The following NRXN3 variants were observed in gnomAD, a reference collection of about 807,000 sequenced individuals.
NRXN3 encodes neurexin 3.
A neutral mutation model predicts 137.6 loss-of-function variants in NRXN3; 32 were observed. That is an observed-to-expected ratio of 0.23 (90% CI 0.18 to 0.31). The LOEUF is 0.31. Among genes scored for constraint, NRXN3 ranks in the 10% least tolerant of loss-of-function variants. The probability of loss-of-function intolerance (pLI) is 1.00; values close to 1 mark genes in which losing one functional copy is unlikely to be tolerated. For synonymous variants in NRXN3, 798 were observed against 784.5 expected, an observed-to-expected ratio of 1.02 and a Z score of -0.29; for missense variants, 1,574 against 2,062.5, an observed-to-expected ratio of 0.76 and a Z score of 4.59.
At chr14:79,002,583 G>A (rs1451728008) in intron 15 of NRXN3, among the ~76,000 whole-genome samples, 3 of 152,016 alleles carry the variant, frequency 2.0e-5, no homozygotes, top group Non-Finnish European at 2.9e-5. Context: ...ATTCCGTGGT[G>A]TATATGTATC....
intron 16 of NRXN3, among the ~76,000 whole-genome samples, chr14:79,517,514 C>G (rs2097004379): frequency 6.6e-6 from 1 of 152,062 alleles, no homozygotes. Flanking sequence ...TATTTCGACA[C>G]TTAATTAGAA....
At chr14:78,623,535 C>G (rs2097425865) in intron 4 of NRXN3, among the ~76,000 whole-genome samples, 1 of 152,154 alleles carries the variant, frequency 6.6e-6, no homozygotes, top group South Asian at 2.1e-4. Context: ...TAGCAAATAG[C>G]CATTCTATAG....
At chr14:79,808,491 A>G (rs1603562460) in intron 20 of NRXN3, among the ~76,000 whole-genome samples, 1 of 152,106 alleles carries the variant, frequency 6.6e-6, no homozygotes, top group South Asian at 2.1e-4. Context: ...CTGGTTTTGA[A>G]CACCCTAATT....
At chr14:78,690,034 T>C (rs6574463) in intron 6 of NRXN3, among the ~76,000 whole-genome samples, 47,529 of 152,066 alleles carry the variant, frequency 0.31, 8,453 homozygotes, top group African/African-American at 0.49. Context: ...TTAAACATTC[T>C]TTCAAAACCC....
At chr14:79,228,516 T>G (rs2071498538) in intron 15 of NRXN3, among the ~76,000 whole-genome samples, 1 of 152,180 alleles carries the variant, frequency 6.6e-6, no homozygotes, top group South Asian at 2.1e-4. Flanking sequence ...TCACCAGAAA[T>G]AGCTTCCTAC....
At chr14:78,503,345 A>G (rs548086789) in intron 4 of NRXN3, among the ~76,000 whole-genome samples, 1 of 152,188 alleles carries the variant, frequency 6.6e-6, no homozygotes, top group Non-Finnish European at 1.5e-5. Context: ...GAGACCAGGA[A>G]GGAAAGGCCA....
chr14:79,848,967 C>T (rs908924071), intron 20 of NRXN3, among the ~76,000 whole-genome samples: 18 of 152,156 alleles, frequency 1.2e-4, no homozygotes, highest in African/African-American at 4.3e-4. Flanking sequence ...GCATGTCCTC[C>T]AAATTTTCTC....
chr14:79,762,608 C>T lies in NRXN3; in HGVS notation c.4015-42504C>T, dbSNP rs117955095. Among the ~76,000 whole-genome samples the T allele has an allele frequency of 5.3e-4, 80 of 151,496 alleles. 1 individual carries two copies. The East Asian group carries it at 0.015, about 27-fold the overall frequency. ...TCCATTTTCTTATCAATATGTTTGG[C>T]TTCTGTAAGTCTTATTTTCTTGTTT... On this transcript the variant is annotated intron_variant, in intron 19 of 20. Transcript: ENST00000335750.
chr14:79,308,284 A>G (rs959709376), intron 15 of NRXN3, among the ~76,000 whole-genome samples: 1 of 152,086 alleles, frequency 6.6e-6, no homozygotes, highest in Non-Finnish European at 1.5e-5. Flanking sequence ...TGTCTTACCT[A>G]TTACTTATGT....
intron 4 of NRXN3, 150 bp downstream of exon 4, chr14:78,298,010 T>TCA: frequency 1.3e-6 from 1 of 774,108 alleles, no homozygotes; most frequent in East Asian, 2.8e-5. Context: ...CACCCTGCAG[T>TCA]GGGGGTGGGG....
intron 4 of NRXN3, among the ~76,000 whole-genome samples, chr14:78,616,083 T>C (rs1055097366): frequency 2.0e-5 from 3 of 152,182 alleles, no homozygotes; most frequent in African/African-American, 7.2e-5. Context: ...CTACCAATAG[T>C]CTCCCTGACT....
chr14:79,770,173 T>C (rs1019825164), intron 19 of NRXN3, among the ~76,000 whole-genome samples: 16 of 152,052 alleles, frequency 1.1e-4, no homozygotes, highest in African/African-American at 3.6e-4. Context: ...ACATTAATAA[T>C]GGGAGATTTT....
intron 4 of NRXN3, among the ~76,000 whole-genome samples, chr14:78,360,397 T>G (rs141075905): frequency 2.8e-4 from 42 of 152,346 alleles, no homozygotes; most frequent in African/African-American, 9.4e-4. Flanking sequence ...CCCTAGCACT[T>G]GTAAGACTTG....
intron 10 of NRXN3, among the ~76,000 whole-genome samples, chr14:78,855,120 C>T (rs1481723602): frequency 8.6e-5 from 13 of 151,102 alleles, no homozygotes; most frequent in African/African-American, 2.9e-4. Flanking sequence ...TCCGAGATCA[C>T]GCTGCTGCAC....
intron 16 of NRXN3, among the ~76,000 whole-genome samples, chr14:79,543,442 C>A (rs984205586): frequency 1.3e-5 from 2 of 152,116 alleles, no homozygotes; most frequent in African/African-American, 2.4e-5. Flanking sequence ...TGCTTAGAGT[C>A]CCCTGACAGA....
chr14:79,392,445 A>G (rs1203973444), intron 15 of NRXN3, among the ~76,000 whole-genome samples: 1 of 152,190 alleles, frequency 6.6e-6, no homozygotes, highest in Non-Finnish European at 1.5e-5. Flanking sequence ...CAGTGCTGCA[A>G]TAAACATACA....
chr14:79,554,174 G>T (rs1282803426), intron 16 of NRXN3, among the ~76,000 whole-genome samples: 2 of 152,146 alleles, frequency 1.3e-5, no homozygotes, highest in Non-Finnish European at 1.5e-5. Flanking sequence ...CAACAGAGTT[G>T]GCTGGTCAGT....
chr14:79,665,890 C>CTAT (rs1409575556), intron 17 of NRXN3, among the ~76,000 whole-genome samples: 3 of 152,078 alleles, frequency 2.0e-5, no homozygotes, highest in Non-Finnish European at 4.4e-5. Flanking sequence ...CTCCTGAAAA[C>CTAT]TATTATTATC....
chr14:79,733,460 G>T (rs2154073763), intron 19 of NRXN3, among the ~76,000 whole-genome samples: 1 of 152,244 alleles, frequency 6.6e-6, no homozygotes, highest in Non-Finnish European at 1.5e-5. Context: ...GCAAAGAAGA[G>T]AAAACGTGCC....
Sources: allele counts gnomAD v4.1 joint callset (sites outside exome capture counted in the v4.1 genomes callset), GRCh38; gene constraint gnomAD v4.1.1; transcripts MANE v1.5; gene names NCBI Gene and HGNC (gene_info 2026-07-23, HGNC 2026-07-21).